JMJD1C: variants seen among roughly 807,000 people sequenced by gnomAD.
The protein encoded by JMJD1C is jumonji domain containing 1C, also known as jumonji domain-containing protein 1C.
Under a neutral mutation model 245.3 loss-of-function variants are expected in JMJD1C, and 31 were observed. The observed-to-expected ratio is 0.13, with a 90% CI of 0.09 to 0.17. The LOEUF is 0.17. Among genes scored for constraint, JMJD1C ranks in the 10% least tolerant of loss-of-function variants. The pLI, the probability that JMJD1C is intolerant of heterozygous loss-of-function variation, is 1.00. For synonymous variants in JMJD1C, 1,057 were observed against 1,017.4 expected, an observed-to-expected ratio of 1.04 and a Z score of -0.74; for missense variants, 2,691 against 3,000.2, an observed-to-expected ratio of 0.90 and a Z score of 2.41.
intron 1 of JMJD1C, among the ~76,000 whole-genome samples, chr10:63,391,250 C>G (rs983927695): frequency 7.9e-5 from 12 of 152,110 alleles, no homozygotes; most frequent in African/African-American, 2.9e-4. Context: ...GTGGCTGATG[C>G]CTGTAATCCC....
chr10:63,292,554 C>T (rs12780979), intron 2 of JMJD1C, among the ~76,000 whole-genome samples: 30,636 of 151,684 alleles, frequency 0.2, 4,052 homozygotes, highest in Non-Finnish European at 0.29. Context: ...GAGGTTGCAA[C>T]GAGCCGAGAT....
chr10:63,340,224 A>T (rs774344722), intron 2 of JMJD1C, among the ~76,000 whole-genome samples: 1 of 152,202 alleles, frequency 6.6e-6, no homozygotes, highest in Non-Finnish European at 1.5e-5. Flanking sequence ...CAGTTTATTC[A>T]GCAACCCTGA....
chr10:63,520,041 G>C (rs1242206710), intron 1 of JMJD1C, among the ~76,000 whole-genome samples: 1 of 152,142 alleles, frequency 6.6e-6, no homozygotes, highest in South Asian at 2.1e-4. Context: ...GAAATAAAAA[G>C]TCTTGACATG....
intron 1 of JMJD1C, among the ~76,000 whole-genome samples, chr10:63,471,895 G>A (rs1953501565): frequency 6.6e-6 from 1 of 152,072 alleles, no homozygotes; most frequent in South Asian, 2.1e-4. Flanking sequence ...AAAATTAGCT[G>A]GGCATGGTGG....
At chr10:63,303,146 A>T (rs1337484707) in intron 2 of JMJD1C, among the ~76,000 whole-genome samples, 1 of 152,136 alleles carries the variant, frequency 6.6e-6, no homozygotes, top group Non-Finnish European at 1.5e-5. Context: ...TTATTCAATC[A>T]CTCACTGACT....
At chr10:63,227,441 CA>C (rs1453974175) in intron 3 of JMJD1C, among the ~76,000 whole-genome samples, 1 of 152,144 alleles carries the variant, frequency 6.6e-6, no homozygotes, top group East Asian at 1.9e-4. Flanking sequence ...CAGATTTGCT[CA>C]AAAGTCTCAA....
chr10:63,409,276 G>T (rs896771772), intron 1 of JMJD1C, among the ~76,000 whole-genome samples: 40 of 152,100 alleles, frequency 2.6e-4, no homozygotes, highest in Non-Finnish European at 2.9e-5. Flanking sequence ...GATGGAACTG[G>T]CAACCAAAAT....
At chr10:63,191,983 CAAAAAAAAAAAAAAAAA>C (rs10652559) in intron 16 of JMJD1C, among the ~76,000 whole-genome samples, 1 of 60,824 alleles carries the variant, frequency 1.6e-5, no homozygotes, top group Non-Finnish European at 2.6e-5. Context: ...GACTCTGTCT[CAAAAAAAAAAAAAAAAA>C]AAAAAAAAAC....
intron 10 of JMJD1C, chr10:63,202,481 T>G: frequency 1.0e-6 from 1 of 985,300 alleles, no homozygotes; most frequent in Non-Finnish European, 1.2e-6. Flanking sequence ...CTCCTGAGAC[T>G]ACGTACTTCT....
At position 63,209,169 on chromosome 10, in the gene JMJD1C, T is replaced by C. The variant is rs1217730702; in HGVS notation, c.2761A>G (p.Ser921Gly). Residue 921 changes from serine to glycine, a missense_variant, in exon 9 of 26, where the codon AGT (serine) becomes GGT (glycine). Coordinates refer to ENST00000399262, the MANE Select transcript of JMJD1C (RefSeq NM_032776.3). ...CTGGAAGGTCTGACAGGAATGTGACTAAGTAATCCAATACCATCTGCTGAG... is the reference window on the plus strand; with the variant it reads ...CTGGAAGGTCTGACAGGAATGTGACCAAGTAATCCAATACCATCTGCTGAG... ...VTSADGIGLLSHIPVRPSSAE... is the reference protein window; with the variant it reads ...VTSADGIGLLGHIPVRPSSAE... The C allele has an allele frequency of 1.2e-6, 2 of 1,613,922 alleles. No homozygotes were observed. The highest frequency in any genetic ancestry group is 3.3e-5 in the Admixed American group (2 of 60,008).
chr10:63,218,407 T>C (rs951935812), intron 4 of JMJD1C, among the ~76,000 whole-genome samples: 1 of 152,154 alleles, frequency 6.6e-6, no homozygotes, highest in African/African-American at 2.4e-5. Flanking sequence ...TGACTGGCTA[T>C]AATTTAAGGG....
At chr10:63,396,564 T>C (rs765826680) in intron 1 of JMJD1C, among the ~76,000 whole-genome samples, 19 of 152,310 alleles carry the variant, frequency 1.2e-4, no homozygotes, top group South Asian at 8.3e-4. Flanking sequence ...ACGGGCAATG[T>C]AGCGAATTTG....
At chr10:63,204,394 A>G in intron 10 of JMJD1C, 1 of 985,088 alleles carries the variant, frequency 1.0e-6, no homozygotes, top group Non-Finnish European at 1.2e-6. Context: ...TATTCGTCTC[A>G]AGATGAAAAG....
upstream of JMJD1C, among the ~76,000 whole-genome samples, chr10:63,469,985 TATG>T (rs1373399467): frequency 1.3e-5 from 2 of 152,274 alleles, no homozygotes; most frequent in Non-Finnish European, 2.9e-5. Context: ...CAATCACATT[TATG>T]ATAATGATAA....
rs1846445948 is a variant in JMJD1C, at chr10:63,205,132, C to T, written c.5074+1463G>A. 6 of 563,910 alleles carry T rather than the reference C, an allele frequency of 1.1e-5. No individual in the cohort carries two copies. The South Asian group carries it at 3.9e-4, about 37-fold the overall frequency. The allele number at this position is 563,910 out of a possible 1,614,324, so 34.9% of individuals were successfully genotyped here. A position where few individuals can be genotyped will look rare whatever the true frequency, so the allele number is the denominator to read the frequency against. On this transcript the variant is annotated intron_variant, in intron 10 of 25. Transcript: ENST00000399262. ...TACTGTTAAGTATCTCTTATTTTGT[C>T]CAGCTGTTGCCACAAAGGATATATA...
In JMJD1C at chr10:63,200,656, A is replaced by C; in HGVS notation, c.5096T>G (p.Leu1699Trp). ...NSNTGIPRSV[L>W]KDWRKVKKLK... ...CTTCTTGACTTTACGCCAATCTTTC[A>C]ATACTGAACGAGGAATGCCAGCTGT... Residue 1699 changes from leucine to tryptophan, a missense_variant, in exon 11 of 26, where the codon TTG becomes TGG. By Grantham distance (61) the Leu-to-Trp change is moderately conservative (BLOSUM62 -2). Transcript: ENST00000399262. The C allele has an allele frequency of 1.2e-6, 2 of 1,614,002 alleles. No homozygotes were observed. The highest frequency in any genetic ancestry group is 1.7e-6 in the Non-Finnish European group (2 of 1,179,918).
At chr10:63,387,629 ATTTT>A (rs71025169) in intron 1 of JMJD1C, among the ~76,000 whole-genome samples, 10 of 37,870 alleles carry the variant, frequency 2.6e-4, no homozygotes, top group East Asian at 9.8e-4. Context: ...GAAAAAAAAA[ATTTT>A]TTTTTTTTTT....
At chr10:63,266,089 T>A (rs1442476573) in intron 2 of JMJD1C, among the ~76,000 whole-genome samples, 2 of 152,064 alleles carry the variant, frequency 1.3e-5, no homozygotes, top group African/African-American at 2.4e-5. Context: ...TTTAAGCAAG[T>A]CTTATTTCTA....
At chr10:63,431,885 G>T (rs7924036) in intron 1 of JMJD1C, among the ~76,000 whole-genome samples, 69,546 of 152,024 alleles carry the variant, frequency 0.46, 16,783 homozygotes, top group East Asian at 0.68. Context: ...GGTGGTGCAT[G>T]CCTGTAGTCC....
Sources: gnomAD v4.1 joint callset for allele counts (sites outside exome capture counted in the v4.1 genomes callset) on GRCh38, gnomAD v4.1.1 for gene constraint, MANE v1.5 for transcripts, NCBI Gene and HGNC (gene_info 2026-07-23, HGNC 2026-07-21) for gene names.